Variants in PCDHA12 observed in about 807,000 individuals in gnomAD.
PCDHA12 encodes protocadherin alpha 12, also known as protocadherin alpha-12.
A neutral mutation model predicts 60.0 loss-of-function variants in PCDHA12; 44 were observed. The observed-to-expected ratio is 0.73, with a 90% CI of 0.58 to 0.94. The LOEUF (loss-of-function observed/expected upper bound fraction) is 0.94. Among genes scored for constraint, PCDHA12 ranks in the 40% least tolerant of loss-of-function variants. The pLI, the probability that PCDHA12 is intolerant of heterozygous loss-of-function variation, is 0.00. For synonymous variants in PCDHA12, 569 were observed against 553.0 expected, an observed-to-expected ratio of 1.03 and a Z score of -0.40; for missense variants, 1,276 against 1,239.7, an observed-to-expected ratio of 1.03 and a Z score of -0.44.
intron 1 of PCDHA12, among the ~76,000 whole-genome samples, chr5:140,886,628 C>T (rs1305924545): frequency 6.6e-6 from 1 of 151,764 alleles, no homozygotes; most frequent in African/African-American, 2.4e-5. Context: ...GAGTCCGAGA[C>T]CAGCCTGGCC....
At chr5:140,926,255 G>T (rs562420240) in intron 1 of PCDHA12, 1 of 152,224 alleles carries the variant, frequency 6.6e-6, no homozygotes, top group African/African-American at 2.4e-5. Flanking sequence ...TCACCGTCCC[G>T]CCTCTCGCCG....
intron 1 of PCDHA12, among the ~76,000 whole-genome samples, chr5:140,923,970 C>T (rs2081601306): frequency 2.6e-5 from 4 of 152,220 alleles, no homozygotes; most frequent in Admixed American, 2.6e-4. Flanking sequence ...TATACCCACA[C>T]ATACTATCCC....
intron 1 of PCDHA12, among the ~76,000 whole-genome samples, chr5:140,945,123 A>G (rs1421068345): frequency 2.0e-5 from 3 of 152,190 alleles, no homozygotes; most frequent in African/African-American, 4.8e-5. Context: ...TAAAAAATCA[A>G]CTTACAAAAA....
Position 140,877,081 on chromosome 5 carries a change from G to A in PCDHA12, c.1609G>A (p.Ala537Thr). 6.2e-7 allele frequency: 1 copy of A among 1,613,120 alleles called. No individual in the cohort carries two copies. Among genetic ancestry groups the A allele is most frequent in the Non-Finnish European group, 8.5e-7 (1 of 1,179,830 alleles). The stretch of plus-strand genomic sequence containing the variant: ...GGAGCTGCTGCAGTTCCAGGTGAGC[G>A]CGCGCGACGCCGGCGTGCCGCCTCT... ...ELELLQFQVS[A>T]RDAGVPPLGS... The change falls in exon 1 of 4, where the codon GCG becomes ACG. Residue 537 changes from alanine to threonine, a missense_variant. Coordinates refer to ENST00000398631, the MANE Select transcript of PCDHA12 (RefSeq NM_018903.4).
chr5:140,928,297 G>A, intron 1 of PCDHA12: 1 of 1,614,112 alleles, frequency 6.2e-7, no homozygotes, highest in Non-Finnish European at 8.5e-7. Flanking sequence ...CCGAGTGTTT[G>A]CCCAGGACCC....
chr5:140,984,882 A>G (rs1456658089), intron 3 of PCDHA12, among the ~76,000 whole-genome samples: 3 of 152,150 alleles, frequency 2.0e-5, no homozygotes, highest in African/African-American at 7.2e-5. Context: ...AGTTACCATG[A>G]GAACTAAAGG....
intron 1 of PCDHA12, among the ~76,000 whole-genome samples, chr5:140,916,018 T>C (rs550604062): frequency 6.6e-6 from 1 of 152,254 alleles, no homozygotes; most frequent in East Asian, 1.9e-4. Flanking sequence ...ACAAAGTCTT[T>C]CCCATTCTTC....
In PCDHA12 at chr5:141,010,220, C is replaced by T. The variant is rs114341618; in HGVS notation, c.*283C>T. ...CTCCTCCGCCGCAAAGGAGAGGCTT[C>T]CCAGCCCCGCCAGTGAGAGGTTGGA... On this transcript the variant is annotated 3_prime_UTR_variant, in exon 4 of 4. Coordinates refer to ENST00000398631, the MANE Select transcript of PCDHA12 (RefSeq NM_018903.4). 2,711 of 1,551,728 alleles carry T rather than the reference C, an allele frequency of 1.7e-3. 46 individuals are homozygous for T. The African/African-American group carries it at 0.034, about 19-fold the overall frequency.
intron 1 of PCDHA12, among the ~76,000 whole-genome samples, chr5:140,891,410 A>T: frequency 7.7e-6 from 1 of 130,320 alleles, no homozygotes; most frequent in East Asian, 2.5e-4. Context: ...GCCACCCCCC[A>T]CTCTTGCCCC....
intron 1 of PCDHA12, among the ~76,000 whole-genome samples, chr5:140,935,686 C>T (rs943427521): frequency 3.3e-5 from 5 of 152,108 alleles, no homozygotes; most frequent in Non-Finnish European, 7.4e-5. Flanking sequence ...ATTTACATGG[C>T]TCCAAAATAA....
rs1588262423 is a variant in PCDHA12 at position 141,011,885 on chromosome 5, T to C, written c.*1948T>C. 1 of 153,482 alleles carries C rather than the reference T, an allele frequency of 6.5e-6. No homozygotes were observed. The highest frequency in any genetic ancestry group is 1.9e-4 in the East Asian group (1 of 5,202). 9.5% of individuals were successfully genotyped at this position (153,482 alleles called of 1,614,324 possible). ...ATAATGTACAATTTAGAAGTTTGATTAATTATATTATCTATTTAGGCATTA... is the reference window on the plus strand; with the variant it reads ...ATAATGTACAATTTAGAAGTTTGATCAATTATATTATCTATTTAGGCATTA... On this transcript the variant is annotated 3_prime_UTR_variant, in exon 4 of 4. Transcript: ENST00000398631.
intron 1 of PCDHA12, chr5:140,928,163 C>A: frequency 6.2e-7 from 1 of 1,614,204 alleles, no homozygotes; most frequent in Non-Finnish European, 8.5e-7. Flanking sequence ...GGCTCACCCC[C>A]ACTTAGCACC....
intron 1 of PCDHA12, among the ~76,000 whole-genome samples, chr5:140,961,887 G>GT (rs35680913): frequency 0.069 from 9,857 of 143,718 alleles, 798 homozygotes; most frequent in African/African-American, 0.2. Flanking sequence ...ACTTACATCA[G>GT]TTTTTTTTTT....
Position 140,949,361 on chromosome 5 carries a change from G to C in PCDHA12, c.2368-29588G>C, listed in dbSNP as rs150004166. 4.9e-3 allele frequency among the ~76,000 whole-genome samples: 749 copies of C among 151,546 alleles called. 8 individuals are homozygous for C. The highest frequency in any genetic ancestry group is 0.017 in the African/African-American group (722 of 41,420). On this transcript the variant is annotated intron_variant, in intron 1 of 3. Coordinates refer to ENST00000398631, the MANE Select transcript of PCDHA12 (RefSeq NM_018903.4). ...AGATTTTCTGTGTCTTTATTTTTTT[G>C]TCTAGTTGTCCTATCAATTGCTCAG...
intron 3 of PCDHA12, 167 bp from the exon 4 acceptor site, chr5:141,009,460 T>C (rs1375350735): frequency 3.2e-6 from 3 of 950,276 alleles, no homozygotes; most frequent in African/African-American, 1.8e-5. Flanking sequence ...ATTAAACAAA[T>C]AAATAAATAA....
In PCDHA12 at chr5:140,927,151, T is replaced by C. The variant is rs781865588; in HGVS notation, c.2367+49312T>C. ...AGAGCCGGCGGACCGCGAACAGCTGTGCAGGGCCAAAGCTGCCTGCGTCTT... is the reference window on the plus strand; with the variant it reads ...AGAGCCGGCGGACCGCGAACAGCTGCGCAGGGCCAAAGCTGCCTGCGTCTT... On this transcript the variant is annotated intron_variant, in intron 1 of 3. Coordinates refer to ENST00000398631, the MANE Select transcript of PCDHA12 (RefSeq NM_018903.4). 15 of 1,614,128 alleles carry C rather than the reference T, an allele frequency of 9.3e-6. No homozygotes were observed. In the East Asian group the frequency reaches 3.3e-4, roughly 36 times the overall value.
chr5:140,944,346 C>A (rs2093644964), intron 1 of PCDHA12, among the ~76,000 whole-genome samples: 2 of 152,130 alleles, frequency 1.3e-5, no homozygotes, highest in African/African-American at 4.8e-5. Flanking sequence ...TGCCACCACA[C>A]CTGGCTAATT....
chr5:140,918,234 T>G (rs1188816850), intron 1 of PCDHA12, among the ~76,000 whole-genome samples: 1 of 152,210 alleles, frequency 6.6e-6, no homozygotes, highest in Non-Finnish European at 1.5e-5. Context: ...TTTTGTACAT[T>G]GATTTTGTAT....
intron 1 of PCDHA12, chr5:140,882,224 G>A (rs781909276): frequency 1.5e-5 from 24 of 1,558,680 alleles, no homozygotes; most frequent in Non-Finnish European, 1.9e-5. Flanking sequence ...TTGAGGTAAG[G>A]CGTTGTATAT....
Sources: gnomAD v4.1 joint callset for allele counts (sites outside exome capture counted in the v4.1 genomes callset) on GRCh38, gnomAD v4.1.1 for gene constraint, MANE v1.5 for transcripts, NCBI Gene and HGNC (gene_info 2026-07-23, HGNC 2026-07-21) for gene names.